MLLT6: variants seen among roughly 807,000 people sequenced by gnomAD.
The protein encoded by MLLT6 is protein AF-17.
MLLT6 carries 22 observed loss-of-function variants against 103.0 expected under a neutral mutation model. That is an observed-to-expected ratio of 0.21 (90% CI 0.15 to 0.31). The LOEUF (loss-of-function observed/expected upper bound fraction) is 0.31. Ranked by LOEUF, MLLT6 falls within the 10% of genes least tolerant of loss-of-function variation. The pLI, the probability that MLLT6 is intolerant of heterozygous loss-of-function variation, is 1.00. For missense variants in MLLT6, 1,199 were observed against 1,441.7 expected (o/e 0.83, Z 2.73); for synonymous variants, 606 against 623.5 (o/e 0.97, Z 0.42).
At position 38,724,689 on chromosome 17, in the gene MLLT6, A is replaced by G. The variant is rs1905927333; in HGVS notation, c.2953A>G (p.Met985Val). The change falls in exon 19 of 20, where the codon ATG becomes GTG. Residue 985 changes from methionine to valine, a missense_variant. Met to Val is a conservative substitution (Grantham distance 21). Around this residue, in one of 7 missense-constraint regions of MLLT6, gnomAD observed 1,034 missense variants for 1,091.5 expected, o/e 0.95. Coordinates refer to ENST00000621332, the MANE Select transcript of MLLT6 (RefSeq NM_005937.4). The surrounding 1 kb of genome is among the most constrained non-coding windows in gnomAD (Gnocchi z 5.4). The stretch of plus-strand genomic sequence containing the variant: ...GAAACGGGAGCTGCAGCGCCTGCAG[A>G]TGGCTGGGGGCTCCCAGCTGCCCAT... ...QQKRELQRLQ[M>V]AGGSQLPMAS... 1 of 1,612,784 alleles carries G rather than the reference A, an allele frequency of 6.2e-7. No homozygotes were observed. The highest frequency in any genetic ancestry group is 1.1e-5 in the South Asian group (1 of 91,026).
At position 38,707,549 on chromosome 17, in the gene MLLT6, G is replaced by A. The variant is rs1356105030; in HGVS notation, c.244+9G>A. 1 of 1,614,032 alleles carries A rather than the reference G, an allele frequency of 6.2e-7. No homozygotes were observed. The highest frequency in any genetic ancestry group is 1.3e-5 in the African/African-American group (1 of 75,060). On this transcript the variant is annotated intron_variant, in intron 3 of 19. Transcript: ENST00000621332. Reference sequence around the variant, plus strand: ...GAGGACTGATAATGGAGGTGAGGCGGGCTCATCTGCTGAGGTCAGCAGGGC... The same window carrying A: ...GAGGACTGATAATGGAGGTGAGGCGAGCTCATCTGCTGAGGTCAGCAGGGC...
At position 38,719,691 on chromosome 17, in the gene MLLT6, A is replaced by C. The variant is rs559406387; in HGVS notation, c.2010-59A>C. On this transcript the variant is annotated intron_variant, in intron 13 of 19. Coordinates refer to ENST00000621332, the MANE Select transcript of MLLT6 (RefSeq NM_005937.4). ...TGGAACCCCTGGGGGATACGGGAGA[A>C]GGGCCAGAGGAGCCTGGAGTGGTCG... The C allele has an allele frequency of 1.4e-5, 22 of 1,579,272 alleles. No individual in the cohort carries two copies. In the African/African-American group the frequency reaches 1.8e-4, roughly 13 times the overall value.
At position 38,727,158 on chromosome 17, in the gene MLLT6, AAAG is replaced by A. The variant is rs575059098; in HGVS notation, c.*1565_*1567del. 2.2e-3 allele frequency: 513 copies of A among 231,618 alleles called. 3 individuals are homozygous for A. The highest frequency in any genetic ancestry group is 0.011 in the African/African-American group (498 of 44,956). 14.3% of individuals were successfully genotyped at this position (231,618 alleles called of 1,614,324 possible). A position where few individuals can be genotyped will look rare whatever the true frequency, so the allele number is the denominator to read the frequency against. On this transcript the variant is annotated 3_prime_UTR_variant, in exon 20 of 20. Transcript: ENST00000621332. ...GTTTTTTTTTTTTTTTTAATAAAGA[AAAG>A]AAGATGTGTATATTTTTGGCAACGA...
intron 19 of MLLT6, 109 bp from the exon 20 acceptor site, chr17:38,725,448 C>A: frequency 1.0e-6 from 1 of 996,998 alleles, no homozygotes; most frequent in Non-Finnish European, 1.5e-6. Context: ...CTTCCATTGG[C>A]CCCGTTTCAG....
Position 38,729,052 on chromosome 17 carries a change from T to C in MLLT6, c.*3454T>C, listed in dbSNP as rs527663202. 4.3e-6 allele frequency: 1 copy of C among 233,424 alleles called. No homozygotes were observed. Among genetic ancestry groups the C allele is most frequent in the East Asian group, 6.0e-5 (1 of 16,588 alleles). The allele number at this position is 233,424 out of a possible 1,614,324, so 14.5% of individuals were successfully genotyped here. On this transcript the variant is annotated 3_prime_UTR_variant, in exon 20 of 20. Transcript: ENST00000621332. ...TAGGGAGGTGCTCACCCCAGACTCT[T>C]AGGAAGGGTCTAGAGAAATGAGAGG...
intron 16 of MLLT6, 159 bp downstream of exon 16, chr17:38,720,906 G>T: frequency 1.5e-6 from 1 of 681,266 alleles, no homozygotes; most frequent in Non-Finnish European, 2.5e-6. Context: ...TATTTATGAG[G>T]TGCCCACTTA....
Position 38,709,488 on chromosome 17 carries a change from A to C in MLLT6, c.465A>C (p.Gln155His). The C allele has an allele frequency of 6.2e-7, 1 of 1,614,122 alleles. No individual in the cohort carries two copies. Among genetic ancestry groups the C allele is most frequent in the Non-Finnish European group, 8.5e-7 (1 of 1,179,950 alleles). Residue 155 changes from glutamine to histidine, a missense_variant, in exon 6 of 20, where the codon CAA (glutamine) becomes CAC (histidine). Transcript: ENST00000621332. The surrounding 1 kb of genome is among the most constrained non-coding windows in gnomAD (Gnocchi z 4.3). ...GGCTGCCTTCTCTGGTTAGTGCCCAAATGGCAGGCTTGCTGTGTGAGGAAG... is the reference window on the plus strand; with the variant it reads ...GGCTGCCTTCTCTGGTTAGTGCCCACATGGCAGGCTTGCTGTGTGAGGAAG... ...CRQAFHVTCA[Q>H]MAGLLCEEEV...
At chr17:38,712,214 T>G in intron 7 of MLLT6, 200 bp downstream of exon 7, 1 of 671,882 alleles carries the variant, frequency 1.5e-6, no homozygotes, top group Non-Finnish European at 1.8e-6. Flanking sequence ...GTGGCTGTGT[T>G]AGTGGTTCCT....
chr17:38,705,758 C>A lies in MLLT6; in HGVS notation c.109+17C>A, dbSNP rs1567921708. On this transcript the variant is annotated intron_variant, in intron 1 of 19. Transcript: ENST00000621332. ...TCCACCAAGGTACGGGGGTGGCCCG[C>A]GGGGGGCGGCGGGACCCCGGGGGCG... 7.9e-7 allele frequency: 1 copy of A among 1,270,446 alleles called. No individual in the cohort carries two copies. Among genetic ancestry groups the A allele is most frequent in the South Asian group, 2.4e-5 (1 of 42,454 alleles). The allele number at this position is 1,270,446 out of a possible 1,614,324, so 78.7% of individuals were successfully genotyped here. A position where few individuals can be genotyped will look rare whatever the true frequency, so the allele number is the denominator to read the frequency against.
rs1905328650 is a variant in MLLT6 at position 38,716,030 on chromosome 17, G to T, written c.1036+202G>T. ...CAGAACTCTCCTCTCCCCTTCAGGG[G>T]CCACCCCACCAACCTCATAACAGTA... On this transcript the variant is annotated intron_variant, in intron 9 of 19. Coordinates refer to ENST00000621332, the MANE Select transcript of MLLT6 (RefSeq NM_005937.4). This position sits in a 1 kb window ranked among gnomAD's most constrained non-coding sequence, Gnocchi z 5.6. The T allele has an allele frequency of 1.6e-6, 1 of 619,684 alleles. No homozygotes were observed. The highest frequency in any genetic ancestry group is 2.7e-5 in the East Asian group (1 of 36,410). 38.4% of individuals were successfully genotyped at this position (619,684 alleles called of 1,614,324 possible).
chr17:38,713,458 G>C lies in MLLT6; in HGVS notation c.819+669G>C, dbSNP rs553069315. 1.4e-3 allele frequency: 276 copies of C among 203,096 alleles called. 1 individual carries two copies. Among genetic ancestry groups the C allele is most frequent in the African/African-American group, 6.0e-3 (263 of 43,582 alleles). 12.6% of individuals were successfully genotyped at this position (203,096 alleles called of 1,614,324 possible). On this transcript the variant is annotated intron_variant, in intron 8 of 19. Coordinates refer to ENST00000621332, the MANE Select transcript of MLLT6 (RefSeq NM_005937.4). The stretch of plus-strand genomic sequence containing the variant: ...CCATGGGAGGAGAACCTGGTAGGGT[G>C]GGGGGAGATGGAGAAACTGCTCCCT...
In MLLT6 at chr17:38,709,308, G is replaced by A. The variant is rs772780363; in HGVS notation, c.458+32G>A. ...CCCCTGTCCCACCCCCCTGCCCCCC[G>A]GGTTTGTCCTGGATGGCCACTGATC... On this transcript the variant is annotated intron_variant, in intron 5 of 19. Coordinates refer to ENST00000621332, the MANE Select transcript of MLLT6 (RefSeq NM_005937.4). The surrounding 1 kb of genome is among the most constrained non-coding windows in gnomAD (Gnocchi z 4.3). The A allele has an allele frequency of 3.8e-6, 6 of 1,577,358 alleles. No homozygotes were observed. Among genetic ancestry groups the A allele is most frequent in the Middle Eastern group, 1.7e-4 (1 of 6,000 alleles).
intron 6 of MLLT6, among the ~76,000 whole-genome samples, chr17:38,710,509 C>T (rs1320108039): frequency 2.0e-5 from 3 of 152,026 alleles, no homozygotes; most frequent in East Asian, 1.9e-4. Flanking sequence ...GGCTGGTGGC[C>T]GGGAGACAGC....
rs202158122 is a variant in MLLT6, at chr17:38,711,898, G to C, written c.604G>C (p.Gly202Arg). The change falls in exon 7 of 20, where the codon GGT becomes CGT. Residue 202 changes from glycine (G) to arginine (R), a missense_variant. Physicochemically the swap from Gly to Arg is moderately radical, Grantham distance 125 (BLOSUM62 -2). Coordinates refer to ENST00000621332, the MANE Select transcript of MLLT6 (RefSeq NM_005937.4). ...AGGCGGAGGAGGCGCTGGAGGAGGAGGTGGCAGCATGGGGGGAGGTGGCAG... is the reference window on the plus strand; with the variant it reads ...AGGCGGAGGAGGCGCTGGAGGAGGACGTGGCAGCATGGGGGGAGGTGGCAG... The part of the protein sequence containing the change: ...GGGGGGAGGG[G>R]GSMGGGGSGF... 2.5e-6 allele frequency: 4 copies of C among 1,605,296 alleles called. No homozygotes were observed. In the African/African-American group the frequency reaches 5.4e-5, roughly 22 times the overall value.
chr17:38,726,242 G>GA lies in MLLT6; in HGVS notation c.*645dup, dbSNP rs1906023083. ...TCTTGGGGCCCCGTGATGGGGAGGAGAGGGCAGGTGCGGGGAGGCTCTGGC... is the reference window on the plus strand; with the variant it reads ...TCTTGGGGCCCCGTGATGGGGAGGAGAAGGGCAGGTGCGGGGAGGCTCTGGC... On this transcript the variant is annotated 3_prime_UTR_variant, in exon 20 of 20. Coordinates refer to ENST00000621332, the MANE Select transcript of MLLT6 (RefSeq NM_005937.4). 1 of 234,058 alleles carries GA rather than the reference G, an allele frequency of 4.3e-6. No individual in the cohort carries two copies. The highest frequency in any genetic ancestry group is 8.4e-6 in the Non-Finnish European group (1 of 118,396). The allele number at this position is 234,058 out of a possible 1,614,324, so 14.5% of individuals were successfully genotyped here.
Position 38,720,356 on chromosome 17 carries a change from C to G in MLLT6, c.2156-16C>G. 1 of 1,362,646 alleles carries G rather than the reference C, an allele frequency of 7.3e-7. No individual in the cohort carries two copies. The highest frequency in any genetic ancestry group is 9.8e-7 in the Non-Finnish European group (1 of 1,024,218). 84.4% of individuals were successfully genotyped at this position (1,362,646 alleles called of 1,614,324 possible). ...GCCCCCTCGCCCCTCCCTCAGGTTCCTCGCTCTCTCCGCAGTCGTGGAGAT... is the reference window on the plus strand; with the variant it reads ...GCCCCCTCGCCCCTCCCTCAGGTTCGTCGCTCTCTCCGCAGTCGTGGAGAT... On this transcript the variant is annotated splice_polypyrimidine_tract_variant and intron_variant, in intron 14 of 19. Coordinates refer to ENST00000621332, the MANE Select transcript of MLLT6 (RefSeq NM_005937.4).
rs368026773 is a variant in MLLT6, at chr17:38,707,470, A to C, written c.190-16A>C. On this transcript the variant is annotated splice_polypyrimidine_tract_variant and intron_variant, in intron 2 of 19. Coordinates refer to ENST00000621332, the MANE Select transcript of MLLT6 (RefSeq NM_005937.4). ...TCAGCAGATCCCCCAACCCCTGTGC[A>C]CTCTTGCATTGGCAGAGGTGTGAGC... The C allele has an allele frequency of 4.3e-6, 7 of 1,613,730 alleles. No homozygotes were observed. Among genetic ancestry groups the C allele is most frequent in the Non-Finnish European group, 5.9e-6 (7 of 1,179,862 alleles).
In MLLT6 at chr17:38,709,340, A is replaced by T. The variant is rs567196429; in HGVS notation, c.458+64A>T. ...TCCTGGATGGCCACTGATCAGGCTCATCCTAGCTGCTGTCCCTTTGATGGT... is the reference window on the plus strand; with the variant it reads ...TCCTGGATGGCCACTGATCAGGCTCTTCCTAGCTGCTGTCCCTTTGATGGT... On this transcript the variant is annotated intron_variant, in intron 5 of 19. Coordinates refer to ENST00000621332, the MANE Select transcript of MLLT6 (RefSeq NM_005937.4). This position sits in a 1 kb window ranked among gnomAD's most constrained non-coding sequence, Gnocchi z 4.3. 4 of 1,455,488 alleles carry T rather than the reference A, an allele frequency of 2.7e-6. No individual in the cohort carries two copies. Among genetic ancestry groups the T allele is most frequent in the Non-Finnish European group, 2.9e-6 (3 of 1,035,632 alleles). The allele number at this position is 1,455,488 out of a possible 1,614,324, so 90.2% of individuals were successfully genotyped here. A position where few individuals can be genotyped will look rare whatever the true frequency, so the allele number is the denominator to read the frequency against.
intron 14 of MLLT6, 161 bp from the exon 15 acceptor site, chr17:38,720,211 C>A: frequency 1.3e-6 from 1 of 763,868 alleles, no homozygotes; most frequent in Non-Finnish European, 2.1e-6. Flanking sequence ...TGTGGCTCCC[C>A]AAGTCCCGCC....
Sources: allele counts gnomAD v4.1 joint callset (sites outside exome capture counted in the v4.1 genomes callset), GRCh38; gene constraint gnomAD v4.1.1; regional missense constraint gnomAD v4.1.1; non-coding constraint Gnocchi (gnomAD v3.1); transcripts MANE v1.5; gene names NCBI Gene and HGNC (gene_info 2026-07-23, HGNC 2026-07-21).